Variants in SGCZ observed in about 807,000 individuals in gnomAD.
The protein encoded by SGCZ is zeta-sarcoglycan.
In SGCZ, 40 loss-of-function variants were observed where a neutral mutation model predicts 41.3. The observed-to-expected ratio is 0.97, with a 90% CI of 0.75 to 1.26. SGCZ has a LOEUF of 1.26. SGCZ is among the 50% of genes most tolerant of loss of function. The pLI is 0.00. For missense variants in SGCZ, 552 were observed against 369.8 expected (o/e 1.49, Z -4.04); for synonymous variants, 206 against 137.5 (o/e 1.50, Z -3.49).
At chr8:14,652,883 A>C (rs1335023140) in intron 1 of SGCZ, among the ~76,000 whole-genome samples, 1 of 152,086 alleles carries the variant, frequency 6.6e-6, no homozygotes, top group East Asian at 1.9e-4. Context: ...ATCCCTTACT[A>C]AGCTATGCCT....
chr8:14,866,871 G>T (rs991720424), intron 1 of SGCZ, among the ~76,000 whole-genome samples: 2 of 152,156 alleles, frequency 1.3e-5, no homozygotes, highest in Non-Finnish European at 2.9e-5. Flanking sequence ...AAGTTTATCT[G>T]CTTGCAGTGG....
At chr8:14,817,855 C>A (rs184868437) in intron 1 of SGCZ, among the ~76,000 whole-genome samples, 93 of 152,280 alleles carry the variant, frequency 6.1e-4, no homozygotes, top group Admixed American at 5.1e-3. Flanking sequence ...TATGCCCCAA[C>A]CCCAGATCAT....
intron 4 of SGCZ, among the ~76,000 whole-genome samples, chr8:14,209,572 T>G (rs1417161990): frequency 6.6e-6 from 1 of 152,224 alleles, no homozygotes. Context: ...TGGGAATATT[T>G]AAATTATGTT....
At chr8:14,753,422 T>C (rs577694351) in intron 1 of SGCZ, among the ~76,000 whole-genome samples, 1 of 152,334 alleles carries the variant, frequency 6.6e-6, no homozygotes, top group Admixed American at 6.5e-5. Flanking sequence ...CAATGGGACT[T>C]ACTGTGTATT....
chr8:14,351,085 A>G (rs1373075436), intron 2 of SGCZ, among the ~76,000 whole-genome samples: 1 of 152,004 alleles, frequency 6.6e-6, no homozygotes, highest in Non-Finnish European at 1.5e-5. Context: ...TTGTTTAGGT[A>G]TGTATAACTT....
intron 3 of SGCZ, among the ~76,000 whole-genome samples, chr8:14,323,042 T>G (rs565325283): frequency 6.6e-6 from 1 of 152,194 alleles, no homozygotes; most frequent in African/African-American, 2.4e-5. Flanking sequence ...ACCCAGAAAC[T>G]AAAGGAGTAC....
intron 1 of SGCZ, among the ~76,000 whole-genome samples, chr8:14,913,553 T>C (rs554280622): frequency 6.6e-6 from 1 of 152,132 alleles, no homozygotes; most frequent in South Asian, 2.1e-4. Flanking sequence ...CCTAGAAGAC[T>C]ATGTTAAGAT....
chr8:14,504,965 C>T (rs939800672), intron 2 of SGCZ, among the ~76,000 whole-genome samples: 1 of 152,044 alleles, frequency 6.6e-6, no homozygotes, highest in African/African-American at 2.4e-5. Flanking sequence ...AATGTCTGAA[C>T]TGTCTGTTGC....
intron 1 of SGCZ, among the ~76,000 whole-genome samples, chr8:14,580,436 T>C (rs1476537870): frequency 6.6e-6 from 1 of 152,176 alleles, no homozygotes; most frequent in Non-Finnish European, 1.5e-5. Flanking sequence ...AAATAGAAGT[T>C]AGAGCTTGTA....
At chr8:14,301,505 C>A (rs149941675) in intron 3 of SGCZ, among the ~76,000 whole-genome samples, 18 of 152,184 alleles carry the variant, frequency 1.2e-4, no homozygotes, top group African/African-American at 4.3e-4. Context: ...CCAAATTTCA[C>A]GGCAGTCTTT....
chr8:14,108,431 A>T (rs1802274873), intron 5 of SGCZ, among the ~76,000 whole-genome samples, 196 bp from the exon 6 acceptor site: 1 of 152,248 alleles, frequency 6.6e-6, no homozygotes, highest in Admixed American at 6.5e-5. Context: ...TTGCACTTAC[A>T]GTTCCACATG....
intron 1 of SGCZ, among the ~76,000 whole-genome samples, chr8:15,182,507 T>G (rs1215482826): frequency 1.3e-5 from 2 of 152,168 alleles, no homozygotes; most frequent in African/African-American, 4.8e-5. Flanking sequence ...AGAGGCAACT[T>G]TAACTAAATG....
chr8:14,430,182 C>T (rs1011416751), intron 2 of SGCZ, among the ~76,000 whole-genome samples: 1 of 152,040 alleles, frequency 6.6e-6, no homozygotes, highest in Non-Finnish European at 1.5e-5. Flanking sequence ...GGAATCCTCC[C>T]TACATCATTC....
chr8:14,893,458 C>G (rs868585941), intron 1 of SGCZ, among the ~76,000 whole-genome samples: 8 of 152,062 alleles, frequency 5.3e-5, no homozygotes, highest in Admixed American at 3.3e-4. Context: ...TAATTTTTTA[C>G]AACAGTAATG....
At chr8:14,551,350 GT>G in intron 2 of SGCZ, among the ~76,000 whole-genome samples, 1 of 136,292 alleles carries the variant, frequency 7.3e-6, no homozygotes, top group Non-Finnish European at 1.5e-5. Context: ...CCACAAAGAT[GT>G]TATAGTAATC....
At chr8:14,601,896 G>A (rs13439775) in intron 1 of SGCZ, among the ~76,000 whole-genome samples, 24,178 of 152,026 alleles carry the variant, frequency 0.16, 2,361 homozygotes, top group Non-Finnish European at 0.21. Context: ...CGAGGCGGGC[G>A]GATCACGAGG....
intron 2 of SGCZ, among the ~76,000 whole-genome samples, chr8:14,433,814 G>A (rs1406556829): frequency 2.0e-5 from 3 of 152,140 alleles, no homozygotes; most frequent in Admixed American, 1.3e-4. Flanking sequence ...AAACTGAAAT[G>A]TCCGTTTTGG....
intron 1 of SGCZ, among the ~76,000 whole-genome samples, chr8:15,003,034 C>T (rs745527600): frequency 1.3e-5 from 2 of 152,130 alleles, no homozygotes; most frequent in Admixed American, 6.5e-5. Flanking sequence ...TTTGCTCCTC[C>T]TTCACTTTTC....
chr8:14,777,386 T>C (rs1800438650), intron 1 of SGCZ, among the ~76,000 whole-genome samples: 1 of 152,228 alleles, frequency 6.6e-6, no homozygotes. Flanking sequence ...GTATTTTCTA[T>C]ACACTTCAGG....
Sources: allele counts gnomAD v4.1 joint callset (sites outside exome capture counted in the v4.1 genomes callset), GRCh38; gene constraint gnomAD v4.1.1; transcripts MANE v1.5; gene names NCBI Gene and HGNC (gene_info 2026-07-23, HGNC 2026-07-21).